MARK2: variants seen among roughly 807,000 people sequenced by gnomAD.
The protein encoded by MARK2 is serine/threonine-protein kinase MARK2.
In MARK2, 16 loss-of-function variants were observed where a neutral mutation model predicts 89.8. The ratio of observed to expected loss-of-function variants is 0.18; its 90% CI spans 0.12 to 0.27. The LOEUF (loss-of-function observed/expected upper bound fraction) is 0.27. MARK2 is among the 10% of genes least tolerant of loss of function. The pLI, the probability that MARK2 is intolerant of heterozygous loss-of-function variation, is 1.00. For missense variants in MARK2, 621 were observed against 1,049.9 expected (o/e 0.59, Z 5.65); for synonymous variants, 382 against 399.5 (o/e 0.96, Z 0.52).
intron 1 of MARK2, among the ~76,000 whole-genome samples, chr11:63,853,392 TAAA>T (rs146715941): frequency 2.4e-5 from 3 of 125,534 alleles, no homozygotes; most frequent in Admixed American, 8.0e-5. Context: ...AGAGCGAAAC[TAAA>T]AAAAAAAAAA....
Position 63,902,349 on chromosome 11 carries a change from T to G in MARK2, c.1234+19T>G. 6.2e-7 allele frequency: 1 copy of G among 1,613,642 alleles called. No individual in the cohort carries two copies. The highest frequency in any genetic ancestry group is 8.5e-7 in the Non-Finnish European group (1 of 1,179,808). On this transcript the variant is annotated intron_variant, in intron 12 of 18. Transcript: ENST00000402010. The surrounding 1 kb of genome is among the most constrained non-coding windows in gnomAD (Gnocchi z 4.2). ...GACCAGGGTAAATGCTTTTGGGAGT[T>G]GTAGGTGGGGACTCACCCCTCTCCA...
intron 1 of MARK2, among the ~76,000 whole-genome samples, chr11:63,893,765 AC>A (rs1421142425): frequency 4.6e-5 from 7 of 152,168 alleles, no homozygotes; most frequent in African/African-American, 1.7e-4. Context: ...TCTACACGTA[AC>A]CCCATATGAC....
At chr11:63,907,234 C>G (rs1399246887) in intron 17 of MARK2, among the ~76,000 whole-genome samples, 1 of 152,174 alleles carries the variant, frequency 6.6e-6, no homozygotes, top group Non-Finnish European at 1.5e-5. Context: ...CAGGCTTTCC[C>G]TATCCCCTCC....
At chr11:63,889,060 C>G (rs1939609678) in intron 1 of MARK2, 2 of 898,330 alleles carry the variant, frequency 2.2e-6, no homozygotes, top group Middle Eastern at 5.1e-4. Flanking sequence ...AAGGGGCGCC[C>G]TGCCTGAGTC....
At chr11:63,892,726 A>ATT (rs11412283) in intron 1 of MARK2, among the ~76,000 whole-genome samples, 58,959 of 122,044 alleles carry the variant, frequency 0.48, 16,439 homozygotes, top group East Asian at 0.84. Flanking sequence ...CAGACTCTGC[A>ATT]TTTTTTTTTT....
chr11:63,853,449 A>G (rs1308358800), intron 1 of MARK2, among the ~76,000 whole-genome samples: 2 of 152,224 alleles, frequency 1.3e-5, no homozygotes. Context: ...TATCTTATTT[A>G]CAGAATTTTA....
At chr11:63,860,861 GA>G (rs770957452) in intron 1 of MARK2, among the ~76,000 whole-genome samples, 43 of 141,862 alleles carry the variant, frequency 3.0e-4, no homozygotes, top group Non-Finnish European at 3.7e-4. Flanking sequence ...CCATCTCAAT[GA>G]AAAAAAAAAA....
intron 1 of MARK2, among the ~76,000 whole-genome samples, chr11:63,891,387 C>A (rs1165425463): frequency 6.6e-6 from 1 of 152,228 alleles, no homozygotes; most frequent in Non-Finnish European, 1.5e-5. Context: ...TACAATCTTG[C>A]TTGTGGTTGT....
At chr11:63,891,963 G>A (rs1300984218) in intron 1 of MARK2, among the ~76,000 whole-genome samples, 1 of 152,212 alleles carries the variant, frequency 6.6e-6, no homozygotes. Flanking sequence ...GAACCCTAGA[G>A]TTCCTTTGGA....
intron 1 of MARK2, among the ~76,000 whole-genome samples, chr11:63,858,636 A>G (rs1001310035): frequency 7.2e-5 from 11 of 152,210 alleles, no homozygotes; most frequent in African/African-American, 2.7e-4. Context: ...TACAGGCCTG[A>G]GCCACTGTGC....
Position 63,865,373 on chromosome 11 carries a change from G to C in MARK2, c.54+25813G>C, listed in dbSNP as rs371804078. On this transcript the variant is annotated intron_variant, in intron 1 of 18. Transcript: ENST00000402010. ...CCCACCTCAGCCTCCCAAGTAGCTG[G>C]GACCACAGGTGCTCTTTTTGTTAAG... is the stretch of plus-strand genomic sequence containing the variant. Among the ~76,000 whole-genome samples, 5 of 152,310 alleles carry C rather than the reference G, an allele frequency of 3.3e-5. No individual in the cohort carries two copies. The East Asian group carries it at 9.6e-4, about 29-fold the overall frequency.
chr11:63,865,686 C>T (rs1565108205), intron 1 of MARK2, among the ~76,000 whole-genome samples: 2 of 152,224 alleles, frequency 1.3e-5, no homozygotes, highest in East Asian at 1.9e-4. Context: ...CCTTAATTAC[C>T]GACATCTCAT....
chr11:63,878,359 C>CTTTTTTTTTTTTTTTT (rs59251368), intron 1 of MARK2, among the ~76,000 whole-genome samples: 1 of 72,712 alleles, frequency 1.4e-5, no homozygotes, highest in African/African-American at 6.3e-5. Context: ...TTGTTCAAGT[C>CTTTTTTTTTTTTTTTT]TTTTTTTTTT....
chr11:63,862,444 T>C (rs1937859336), intron 1 of MARK2, among the ~76,000 whole-genome samples: 1 of 137,088 alleles, frequency 7.3e-6, no homozygotes, highest in Non-Finnish European at 1.6e-5. Flanking sequence ...TCCCAGTCAG[T>C]GTGAGGCAGA....
intron 1 of MARK2, among the ~76,000 whole-genome samples, chr11:63,842,987 A>AT (rs1244919715): frequency 3.3e-5 from 5 of 152,182 alleles, no homozygotes; most frequent in East Asian, 1.9e-4. Context: ...CACTTCGCTT[A>AT]TAACAGTGAA....
At chr11:63,879,189 C>T (rs538207771) in intron 1 of MARK2, among the ~76,000 whole-genome samples, 1 of 152,174 alleles carries the variant, frequency 6.6e-6, no homozygotes, top group East Asian at 1.9e-4. Flanking sequence ...CGCCTGTACT[C>T]CCAGCTACTC....
intron 1 of MARK2, among the ~76,000 whole-genome samples, chr11:63,886,447 CAG>C (rs1259371577): frequency 6.8e-6 from 1 of 146,028 alleles, no homozygotes; most frequent in African/African-American, 2.5e-5. Context: ...TTTTTTGAGA[CAG>C]AGTCTCACTC....
intron 1 of MARK2, among the ~76,000 whole-genome samples, chr11:63,851,995 A>G (rs951891143): frequency 5.9e-5 from 9 of 152,166 alleles, no homozygotes; most frequent in African/African-American, 2.2e-4. Context: ...TCTAATTGTG[A>G]TCTAGAGACC....
Position 63,898,260 on chromosome 11 carries a change from T to G in MARK2, c.317T>G (p.Val106Gly). 6.2e-7 allele frequency: 1 copy of G among 1,613,962 alleles called. No homozygotes were observed. The highest frequency in any genetic ancestry group is 8.5e-7 in the Non-Finnish European group (1 of 1,179,878). ...TTCCGCGAAGTAAGAATAATGAAGG[T>G]TTTGAATCATCCCAACATAGGTGAG... ...KLFREVRIMK[V>G]LNHPNIVKLF... Residue 106 changes from valine to glycine, a missense_variant, in exon 4 of 19, where the codon GTT (valine) becomes GGT (glycine). Physicochemically the swap from Val to Gly is moderately radical, Grantham distance 109. This residue lies in a region of MARK2 where 82 missense variants were observed against 287.7 expected (regional missense o/e 0.29). Transcript: ENST00000402010.
Sources: allele counts gnomAD v4.1 joint callset (sites outside exome capture counted in the v4.1 genomes callset), GRCh38; gene constraint gnomAD v4.1.1; regional missense constraint gnomAD v4.1.1; non-coding constraint Gnocchi (gnomAD v3.1); transcripts MANE v1.5; gene names NCBI Gene and HGNC (gene_info 2026-07-23, HGNC 2026-07-21).